The following GPC5 variants were observed in gnomAD, a reference collection of about 807,000 sequenced individuals.
GPC5 encodes the protein glypican-5.
Under a neutral mutation model 53.9 loss-of-function variants are expected in GPC5, and 47 were observed. That is an observed-to-expected ratio of 0.87 (90% CI 0.69 to 1.11). The LOEUF (loss-of-function observed/expected upper bound fraction) is 1.11, where lower values mean the gene tolerates loss of function less well. Ranked by LOEUF, GPC5 falls within the 50% of genes most tolerant of loss-of-function variation. GPC5 has a pLI of 0.00. For synonymous variants in GPC5, 286 were observed against 263.3 expected (o/e 1.09, Z -0.84); for missense variants, 748 against 713.1 (o/e 1.05, Z -0.56).
chr13:91,571,569 C>T (rs1445869142), intron 2 of GPC5, among the ~76,000 whole-genome samples: 1 of 151,546 alleles, frequency 6.6e-6, no homozygotes, highest in African/African-American at 2.4e-5. Context: ...ACTAAAAATA[C>T]AAAAAAGTAG....
intron 7 of GPC5, among the ~76,000 whole-genome samples, chr13:92,264,400 T>G (rs988300960): frequency 6.6e-6 from 1 of 152,154 alleles, no homozygotes; most frequent in Non-Finnish European, 1.5e-5. Flanking sequence ...TTTAGCACCA[T>G]ATTTTGCTTT....
chr13:92,801,342 A>C (rs1876900061), intron 7 of GPC5, among the ~76,000 whole-genome samples: 1 of 151,762 alleles, frequency 6.6e-6, no homozygotes, highest in Admixed American at 6.6e-5. Context: ...GTGGCATCTT[A>C]GCTGTTGTAA....
At chr13:92,245,055 C>A (rs1349905175) in intron 7 of GPC5, among the ~76,000 whole-genome samples, 3 of 135,096 alleles carry the variant, frequency 2.2e-5, no homozygotes, top group East Asian at 2.1e-4. Flanking sequence ...AAAAAAAAAA[C>A]TTGCACATTG....
At chr13:91,749,687 A>G (rs189401146) in intron 4 of GPC5, among the ~76,000 whole-genome samples, 1 of 152,272 alleles carries the variant, frequency 6.6e-6, no homozygotes, top group African/African-American at 2.4e-5. Context: ...ATAGAAGTTG[A>G]TTTATATTTC....
At chr13:92,301,650 A>T (rs139422997) in intron 7 of GPC5, among the ~76,000 whole-genome samples, 4,524 of 152,248 alleles carry the variant, frequency 0.03, 107 homozygotes, top group Middle Eastern at 0.054. Flanking sequence ...ACTTCGGGAG[A>T]CCAAGGCTTA....
intron 7 of GPC5, among the ~76,000 whole-genome samples, chr13:92,337,205 A>G: frequency 6.7e-6 from 1 of 148,510 alleles, no homozygotes; most frequent in South Asian, 2.1e-4. Context: ...CCCCACCCAA[A>G]AAAAAAAAAG....
At chr13:91,412,966 A>G (rs1192370870) in intron 1 of GPC5, among the ~76,000 whole-genome samples, 1 of 152,244 alleles carries the variant, frequency 6.6e-6, no homozygotes, top group Non-Finnish European at 1.5e-5. Flanking sequence ...CATTAAATGA[A>G]TAAAGGTAAA....
rs1434017962 is a variant in GPC5, at chr13:92,303,140, A to C, written c.1561+158151A>C. ...TACGGCTTTGAAATGTACAGGTACCAGAATAGGTCTTGGGAGAGGGATGGG... is the reference window on the plus strand; with the variant it reads ...TACGGCTTTGAAATGTACAGGTACCCGAATAGGTCTTGGGAGAGGGATGGG... On this transcript the variant is annotated intron_variant, in intron 7 of 7. Coordinates refer to ENST00000377067, the MANE Select transcript of GPC5 (RefSeq NM_004466.6). Among the ~76,000 whole-genome samples, 2 of 151,906 alleles carry C rather than the reference A, an allele frequency of 1.3e-5. 1 individual carries two copies. The highest frequency in any genetic ancestry group is 3.9e-4 in the East Asian group (2 of 5,160).
chr13:91,632,136 G>A (rs555015634), intron 2 of GPC5, among the ~76,000 whole-genome samples: 3 of 152,262 alleles, frequency 2.0e-5, no homozygotes, highest in African/African-American at 4.8e-5. Context: ...AAAGATCGTA[G>A]TAGGTCCCTT....
chr13:91,810,524 TA>T (rs1325320136), intron 5 of GPC5, among the ~76,000 whole-genome samples: 1 of 151,978 alleles, frequency 6.6e-6, no homozygotes, highest in African/African-American at 2.4e-5. Context: ...TTAATCAATT[TA>T]GTTACTACAG....
chr13:92,625,458 G>T (rs1046384616), intron 7 of GPC5, among the ~76,000 whole-genome samples: 16 of 152,140 alleles, frequency 1.1e-4, no homozygotes, highest in African/African-American at 3.9e-4. Flanking sequence ...ATATTAATAA[G>T]TTGCACATTT....
At chr13:91,541,949 A>G (rs1019186132) in intron 2 of GPC5, among the ~76,000 whole-genome samples, 1 of 151,104 alleles carries the variant, frequency 6.6e-6, no homozygotes, top group Non-Finnish European at 1.5e-5. Flanking sequence ...CTAGTTTACG[A>G]TGAGATTTAG....
intron 7 of GPC5, among the ~76,000 whole-genome samples, chr13:92,726,016 GCT>G (rs1888636228): frequency 6.6e-6 from 1 of 151,486 alleles, no homozygotes; most frequent in Non-Finnish European, 1.5e-5. Context: ...CCTGAATATT[GCT>G]CTAGGTGAGG....
chr13:92,663,606 ATATATATCTACTATATATATAC>A (rs1192120900), intron 7 of GPC5, among the ~76,000 whole-genome samples: 1,969 of 88,626 alleles, frequency 0.022, 26 homozygotes, highest in Middle Eastern at 0.037. Flanking sequence ...TACTATATAT[ATATATATCTACTATATATATAC>A]TATATATACA....
chr13:91,658,008 T>C (rs2034889721), intron 2 of GPC5, among the ~76,000 whole-genome samples: 1 of 152,248 alleles, frequency 6.6e-6, no homozygotes, highest in Non-Finnish European at 1.5e-5. Context: ...TATGTTTTTA[T>C]GTTTTAGAAA....
At chr13:91,456,627 G>A (rs1881575217) in intron 2 of GPC5, among the ~76,000 whole-genome samples, 1 of 151,884 alleles carries the variant, frequency 6.6e-6, no homozygotes, top group Non-Finnish European at 1.5e-5. Context: ...AGGGAAAATT[G>A]TAATGTAAGC....
chr13:92,565,317 C>A (rs1882829464), intron 7 of GPC5, among the ~76,000 whole-genome samples: 1 of 152,024 alleles, frequency 6.6e-6, no homozygotes, highest in South Asian at 2.1e-4. Context: ...GCACTTTCAC[C>A]TTGGTTTTTT....
chr13:92,238,533 T>C (rs1051367512), intron 7 of GPC5, among the ~76,000 whole-genome samples: 15 of 152,092 alleles, frequency 9.9e-5, no homozygotes, highest in African/African-American at 3.4e-4. Context: ...TATTTGCCCT[T>C]TTTAAAAACT....
chr13:92,255,622 G>T (rs2042721455), intron 7 of GPC5, among the ~76,000 whole-genome samples: 1 of 152,044 alleles, frequency 6.6e-6, no homozygotes, highest in East Asian at 1.9e-4. Flanking sequence ...AAACACAGTT[G>T]TTCAGGCAGA....
Sources: gnomAD v4.1 joint callset for allele counts (sites outside exome capture counted in the v4.1 genomes callset) on GRCh38, gnomAD v4.1.1 for gene constraint, MANE v1.5 for transcripts, NCBI Gene and HGNC (gene_info 2026-07-23, HGNC 2026-07-21) for gene names.